Variants in FCN1 observed in about 807,000 individuals in gnomAD.
FCN1 encodes ficolin-1.
FCN1 carries 42 observed loss-of-function variants against 35.6 expected under a neutral mutation model. The ratio of observed to expected loss-of-function variants is 1.18; its 90% CI spans 0.92 to 1.53. The LOEUF (loss-of-function observed/expected upper bound fraction) is 1.53. FCN1 is among the 40% of genes most tolerant of loss of function. FCN1 has a pLI of 0.00. For missense variants in FCN1, 439 were observed against 428.4 expected (o/e 1.02, Z -0.22); for synonymous variants, 179 against 169.8 (o/e 1.05, Z -0.42).
chr9:134,916,396 G>A lies in FCN1; in HGVS notation c.169C>T (p.Pro57Ser). The A allele has an allele frequency of 6.2e-7, 1 of 1,614,108 alleles. No homozygotes were observed. Among genetic ancestry groups the A allele is most frequent in the Non-Finnish European group, 8.5e-7 (1 of 1,180,004 alleles). The change falls in exon 2 of 9, where the codon CCC becomes TCC. Residue 57 changes from proline (P) to serine (S), a missense_variant. Physicochemically the swap from Pro to Ser is moderately conservative, Grantham distance 74. Transcript: ENST00000371806. ...LTILRGCPGL[P>S]GAPGPKGEAG... ...TCTCCCTTTGGCCCTGGGGCCCCGGGCAGCCCCGGGCAGCCTCGGAGAATG... is the reference window on the plus strand; with the variant it reads ...TCTCCCTTTGGCCCTGGGGCCCCGGACAGCCCCGGGCAGCCTCGGAGAATG...
chr9:134,909,923 A>G lies in FCN1; in HGVS notation c.856T>C (p.Ser286Pro), dbSNP rs1413509290. 3.1e-6 allele frequency: 5 copies of G among 1,614,108 alleles called. No homozygotes were observed. In the South Asian group the frequency reaches 4.4e-5, roughly 14 times the overall value. ...ATGAGGTAGAGACCATTGAGGTTTG[A>G]AGCATGACAGTCGGCGTACCACCAG... The part of the protein sequence containing the change: ...GAWWYADCHA[S>P]NLNGLYLMGP... Residue 286 changes from serine (S) to proline (P), a missense_variant, in exon 9 of 9, where the codon TCA (serine) becomes CCA (proline). Transcript: ENST00000371806.
At chr9:134,911,112 C>T (rs780546585) in intron 8 of FCN1, 21 bp downstream of exon 8, 1 of 1,613,458 alleles carries the variant, frequency 6.2e-7, no homozygotes, top group Admixed American at 1.7e-5. Flanking sequence ...CTCAGGCCAC[C>T]AGCCCCAAGC....
chr9:134,913,888 T>C (rs1310687090), intron 4 of FCN1, among the ~76,000 whole-genome samples: 2 of 152,110 alleles, frequency 1.3e-5, no homozygotes, highest in Non-Finnish European at 2.9e-5. Flanking sequence ...GGACCCCTAG[T>C]GGGGCCTTCG....
In FCN1 at chr9:134,909,986, C is replaced by T; in HGVS notation, c.793G>A (p.Val265Met). 6.2e-7 allele frequency: 1 copy of T among 1,614,142 alleles called. No homozygotes were observed. Residue 265 changes from valine to methionine, a missense_variant, in exon 9 of 9, where the codon GTG becomes ATG. Val to Met is a conservative substitution (Grantham distance 21, BLOSUM62 1). Transcript: ENST00000371806. ...TTCTCAGCACAATTCGAAGAACTCA[C>T]ATCATTGTCTTGGTCTTTGGTGGAG... ...FFSTKDQDND[V>M]SSSNCAEKFQ...
rs764626950 is a variant in FCN1 at position 134,917,880 on chromosome 9, G to C, written c.-9C>G. 6.3e-7 allele frequency: 1 copy of C among 1,598,332 alleles called. No homozygotes were observed. Among genetic ancestry groups the C allele is most frequent in the Non-Finnish European group, 8.6e-7 (1 of 1,165,880 alleles). On this transcript the variant is annotated 5_prime_UTR_variant, in exon 1 of 9. Coordinates refer to ENST00000371806, the MANE Select transcript of FCN1 (RefSeq NM_002003.5). ...GCTCCACTCAGCTCCATGCTCTCTG[G>C]CCTTTGACTCTGAAGAGTCCCCCAG...
Position 134,909,154 on chromosome 9 carries a change from G to A in FCN1, c.*644C>T. 8.0e-7 allele frequency: 1 copy of A among 1,247,278 alleles called. No homozygotes were observed. Among genetic ancestry groups the A allele is most frequent in the South Asian group, 1.3e-5 (1 of 77,170 alleles). The allele number at this position is 1,247,278 out of a possible 1,614,324, so 77.3% of individuals were successfully genotyped here. ...CCTCTTCGGAATCTTCTCTGTGCAGGTGGCTGACCAGGCGCTCACTTAGTG... is the reference window on the plus strand; with the variant it reads ...CCTCTTCGGAATCTTCTCTGTGCAGATGGCTGACCAGGCGCTCACTTAGTG... On this transcript the variant is annotated 3_prime_UTR_variant, in exon 9 of 9. Coordinates refer to ENST00000371806, the MANE Select transcript of FCN1 (RefSeq NM_002003.5).
Position 134,910,336 on chromosome 9 carries a change from A to T in FCN1, c.734-291T>A, listed in dbSNP as rs113673419. ...AGGCCTCCTGCTCTCTCCTGGAATG[A>T]CCTCCCTCCTCCAGCCTGCGCCGCT... On this transcript the variant is annotated intron_variant, in intron 8 of 8. Coordinates refer to ENST00000371806, the MANE Select transcript of FCN1 (RefSeq NM_002003.5). 1.3e-3 allele frequency among the ~76,000 whole-genome samples: 196 copies of T among 151,626 alleles called. 1 individual carries two copies. The highest frequency in any genetic ancestry group is 4.4e-3 in the African/African-American group (183 of 41,264).
chr9:134,916,531 T>C (rs1056698103), intron 1 of FCN1, 70 bp from the exon 2 acceptor site: 1 of 1,437,070 alleles, frequency 7.0e-7, no homozygotes, highest in Non-Finnish European at 9.8e-7. Flanking sequence ...TTTTCTGCTC[T>C]GCTGGGGCCT....
At chr9:134,916,290 A>G in intron 2 of FCN1, 58 bp downstream of exon 2, 2 of 1,314,948 alleles carry the variant, frequency 1.5e-6, no homozygotes, top group Non-Finnish European at 2.2e-6. Context: ...CCAGTTTCAT[A>G]AAGAGCAAGA....
At position 134,908,444 on chromosome 9, in the gene FCN1, C is replaced by G. The variant is rs1262335108; in HGVS notation, c.*1354G>C. On this transcript the variant is annotated 3_prime_UTR_variant, in exon 9 of 9. Coordinates refer to ENST00000371806, the MANE Select transcript of FCN1 (RefSeq NM_002003.5). ...ACACAAAGTCAGAGCCTGCAAATAC[C>G]TTCCATGGCAAAAGAGACTTTGCTG... The G allele has an allele frequency of 1.3e-5, 2 of 152,200 alleles. No individual in the cohort carries two copies. The highest frequency in any genetic ancestry group is 2.9e-5 in the Non-Finnish European group (2 of 68,058). 9.4% of individuals were successfully genotyped at this position (152,200 alleles called of 1,614,324 possible).
intron 2 of FCN1, 77 bp from the exon 3 acceptor site, chr9:134,914,886 T>C (rs1831072309): frequency 8.4e-7 from 1 of 1,187,308 alleles, no homozygotes; most frequent in African/African-American, 1.5e-5. Flanking sequence ...CCCCAAGTGG[T>C]TAAGTCCTGA....
chr9:134,913,563 C>A lies in FCN1; in HGVS notation c.340+18G>T, dbSNP rs1831053862. The A allele has an allele frequency of 2.5e-6, 4 of 1,601,282 alleles. No homozygotes were observed. In the East Asian group the frequency reaches 8.9e-5, roughly 36 times the overall value. ...GGGGGCAAGGCTTGGGTACCGAGGT[C>A]AGGGTGTGATCAGTCACCTGTCGCA... On this transcript the variant is annotated intron_variant, in intron 5 of 8. Transcript: ENST00000371806.
chr9:134,911,254 G>A lies in FCN1; in HGVS notation c.612C>T (p.Leu204=). The A allele has an allele frequency of 1.9e-6, 3 of 1,614,108 alleles. No homozygotes were observed. The highest frequency in any genetic ancestry group is 1.7e-6 in the Non-Finnish European group (2 of 1,179,982). ...CCTCAAAGTCCACCAGGTCTACACG[G>A]AGCTCGCTGCTTCCTGTTGGAAAAA... ...HALTAQGSSE[L]RVDLVDFEGN... is the part of the protein sequence containing the mutation. The change falls in exon 8 of 9, where the codon CTC becomes CTT. Residue 204 remains leucine (L), a synonymous_variant. Coordinates refer to ENST00000371806, the MANE Select transcript of FCN1 (RefSeq NM_002003.5).
In FCN1 at chr9:134,905,566, C is replaced by T. The variant is rs1050670260; in HGVS notation, c.*4232G>A. Among the ~76,000 whole-genome samples the T allele has an allele frequency of 3.3e-5, 5 of 151,978 alleles. No individual in the cohort carries two copies. The highest frequency in any genetic ancestry group is 1.3e-4 in the Admixed American group (2 of 15,274). ...TGGTGCGATCTCGGCTCACTTCAAC[C>T]TCTGCCTCCTGGGTTCACGCCATTC... On this transcript the variant is annotated 3_prime_UTR_variant, in exon 9 of 9. Transcript: ENST00000371806.
chr9:134,916,439 C>T lies in FCN1; in HGVS notation c.126G>A (p.Glu42=), dbSNP rs756978666. Residue 42 remains glutamate, a synonymous_variant, in exon 2 of 9, where the codon GAG becomes GAA. Coordinates refer to ENST00000371806, the MANE Select transcript of FCN1 (RefSeq NM_002003.5). ...GGAGAATGGTGAGCTTGTCAGAGCC[C>T]TCCAGGCCCACCACCTTCACCTCTG... ...TCPEVKVVGL[E]GSDKLTILRG... The T allele has an allele frequency of 3.7e-6, 6 of 1,614,242 alleles. No homozygotes were observed. The South Asian group carries it at 5.5e-5, about 15-fold the overall frequency.
At chr9:134,914,495 T>C in intron 3 of FCN1, 75 bp from the exon 4 acceptor site, 2 of 1,415,296 alleles carry the variant, frequency 1.4e-6, no homozygotes, top group African/African-American at 1.4e-5. Context: ...CAGAGTGGGC[T>C]CCCGGCCTGG....
Position 134,903,759 on chromosome 9 carries a change from G to A in FCN1, c.*6039C>T, listed in dbSNP as rs1055695275. Among the ~76,000 whole-genome samples, 1 of 152,128 alleles carries A rather than the reference G, an allele frequency of 6.6e-6. No homozygotes were observed. Among genetic ancestry groups the A allele is most frequent in the African/African-American group, 2.4e-5 (1 of 41,424 alleles). On this transcript the variant is annotated 3_prime_UTR_variant, in exon 9 of 9. Coordinates refer to ENST00000371806, the MANE Select transcript of FCN1 (RefSeq NM_002003.5). ...AGGTGTTTAAAATGTCTTTAAAAAC[G>A]ACTCTGACTGGTGTGTTGAAGAAAA...
chr9:134,917,901 C>A lies in FCN1; in HGVS notation c.-30G>T. 6.6e-7 allele frequency: 1 copy of A among 1,506,360 alleles called. No individual in the cohort carries two copies. Among genetic ancestry groups the A allele is most frequent in the South Asian group, 1.1e-5 (1 of 89,074 alleles). 93.3% of individuals were successfully genotyped at this position (1,506,360 alleles called of 1,614,324 possible). A position where few individuals can be genotyped will look rare whatever the true frequency, so the allele number is the denominator to read the frequency against. ...TCTGGCCTTTGACTCTGAAGAGTCCCCCAGCTCTAACAGGGCAGAGGAAAC... is the reference window on the plus strand; with the variant it reads ...TCTGGCCTTTGACTCTGAAGAGTCCACCAGCTCTAACAGGGCAGAGGAAAC... On this transcript the variant is annotated 5_prime_UTR_variant, in exon 1 of 9. Transcript: ENST00000371806.
chr9:134,914,293 C>T (rs547141483), intron 4 of FCN1, 92 bp downstream of exon 4: 86 of 1,116,868 alleles, frequency 7.7e-5, no homozygotes, highest in African/African-American at 1.4e-4. Context: ...TTGACAGGGA[C>T]GTGGGCGGTG....
Sources: allele counts gnomAD v4.1 joint callset (sites outside exome capture counted in the v4.1 genomes callset), GRCh38; gene constraint gnomAD v4.1.1; transcripts MANE v1.5; gene names NCBI Gene and HGNC (gene_info 2026-07-23, HGNC 2026-07-21).